Variants in RBFOX1 observed in about 807,000 individuals in gnomAD.
RBFOX1 encodes RNA binding protein fox-1 homolog 1.
A neutral mutation model predicts 57.7 loss-of-function variants in RBFOX1; 8 were observed. That is an observed-to-expected ratio of 0.14 (90% CI 0.08 to 0.25). RBFOX1 has a LOEUF of 0.25. Ranked by LOEUF, RBFOX1 falls within the 10% of genes least tolerant of loss-of-function variation. The pLI is 1.00. For synonymous variants in RBFOX1, 326 were observed against 222.4 expected, an observed-to-expected ratio of 1.47 and a Z score of -4.15; for missense variants, 611 against 548.5, an observed-to-expected ratio of 1.11 and a Z score of -1.14.
chr16:6,119,456 G>A (rs140005654), intron 1 of RBFOX1, among the ~76,000 whole-genome samples: 72 of 152,230 alleles, frequency 4.7e-4, no homozygotes, highest in Non-Finnish European at 7.4e-4. Context: ...TTTCTTCATG[G>A]TAAGATTGTT....
intron 4 of RBFOX1, among the ~76,000 whole-genome samples, chr16:7,171,575 T>C (rs917044950): frequency 6.6e-6 from 1 of 152,180 alleles, no homozygotes; most frequent in Non-Finnish European, 1.5e-5. Flanking sequence ...GTGTTTAGAA[T>C]GTAATTTTCT....
intron 2 of RBFOX1, among the ~76,000 whole-genome samples, chr16:5,581,491 A>G (rs2046664732): frequency 6.6e-6 from 1 of 152,202 alleles, no homozygotes; most frequent in Non-Finnish European, 1.5e-5. Flanking sequence ...TCTACTTTGT[A>G]ATTATGTATA....
At chr16:7,406,596 C>T (rs1258273962) in intron 4 of RBFOX1, among the ~76,000 whole-genome samples, 3 of 152,196 alleles carry the variant, frequency 2.0e-5, no homozygotes, top group Admixed American at 6.5e-5. Context: ...TTTCCGGAAT[C>T]CAGTGTTGGC....
chr16:6,836,535 C>G (rs1237107674), intron 3 of RBFOX1, among the ~76,000 whole-genome samples: 1 of 152,154 alleles, frequency 6.6e-6, no homozygotes, highest in Non-Finnish European at 1.5e-5. Context: ...GGTATGACCA[C>G]GAATGACACC....
intron 10 of RBFOX1, among the ~76,000 whole-genome samples, chr16:7,619,045 C>A (rs969721187): frequency 6.6e-6 from 1 of 152,166 alleles, no homozygotes; most frequent in Non-Finnish European, 1.5e-5. Flanking sequence ...GGAAACTAAA[C>A]AAGGATTATT....
chr16:5,646,089 G>A (rs963749569), intron 3 of RBFOX1, among the ~76,000 whole-genome samples: 1 of 151,800 alleles, frequency 6.6e-6, no homozygotes, highest in African/African-American at 2.4e-5. Flanking sequence ...GAGTACGGTG[G>A]CACAATCTTG....
chr16:7,249,814 CAGTT>C (rs57077135), intron 4 of RBFOX1, among the ~76,000 whole-genome samples: 3,236 of 152,250 alleles, frequency 0.021, 112 homozygotes, highest in African/African-American at 0.075. Flanking sequence ...TTTCTGGAGT[CAGTT>C]CCTACAAGTG....
intron 1 of RBFOX1, among the ~76,000 whole-genome samples, chr16:6,169,829 A>T (rs148032585): frequency 7.7e-6 from 1 of 129,496 alleles, no homozygotes; most frequent in South Asian, 2.6e-4. Context: ...CAGTGGTGCA[A>T]TCTCAGCTCA....
intron 2 of RBFOX1, among the ~76,000 whole-genome samples, chr16:6,434,379 C>G (rs1296551740): frequency 6.6e-6 from 1 of 152,106 alleles, no homozygotes; most frequent in Non-Finnish European, 1.5e-5. Context: ...CCCCAGCTTC[C>G]TCTTCTCGAT....
At chr16:6,749,103 A>T (rs1412895103) in intron 3 of RBFOX1, 2 of 152,326 alleles carry the variant, frequency 1.3e-5, no homozygotes, top group Middle Eastern at 3.4e-3. Context: ...AAAGTATTGG[A>T]AACCAACATT....
intron 3 of RBFOX1, among the ~76,000 whole-genome samples, chr16:7,001,744 A>C (rs1327997596): frequency 6.6e-6 from 1 of 152,156 alleles, no homozygotes; most frequent in African/African-American, 2.4e-5. Flanking sequence ...GGGATGCGTC[A>C]ACACACTGGC....
chr16:5,809,320 A>C (rs558942873), intron 3 of RBFOX1, among the ~76,000 whole-genome samples: 1 of 152,234 alleles, frequency 6.6e-6, no homozygotes, highest in Non-Finnish European at 1.5e-5. Context: ...AAAATTGACA[A>C]ATGGGATCTA....
intron 1 of RBFOX1, among the ~76,000 whole-genome samples, chr16:5,455,406 A>G (rs2068598943): frequency 6.6e-6 from 1 of 152,150 alleles, no homozygotes; most frequent in African/African-American, 2.4e-5. Context: ...TGGTTGAAGC[A>G]GTCCTGAGCC....
Position 7,710,809 on chromosome 16 carries a change from G to A in RBFOX1, c.*64G>A. 1.5e-6 allele frequency: 2 copies of A among 1,365,756 alleles called. No homozygotes were observed. The highest frequency in any genetic ancestry group is 1.9e-6 in the Non-Finnish European group (2 of 1,028,632). 84.6% of individuals were successfully genotyped at this position (1,365,756 alleles called of 1,614,324 possible). Reference sequence around the variant, plus strand: ...GGAAGCTTTCCGAGGCCTGAGTATTGCAATACATGCAGTAGTACATCATTT... The same window carrying A: ...GGAAGCTTTCCGAGGCCTGAGTATTACAATACATGCAGTAGTACATCATTT... On this transcript the variant is annotated 3_prime_UTR_variant, in exon 16 of 16. Coordinates refer to ENST00000550418, the MANE Select transcript of RBFOX1 (RefSeq NM_018723.4).
intron 3 of RBFOX1, among the ~76,000 whole-genome samples, chr16:5,628,352 T>C (rs866778290): frequency 6.6e-6 from 1 of 152,184 alleles, no homozygotes. Context: ...TTATTGCTTC[T>C]TTTTATTGGA....
chr16:7,447,266 C>G (rs1386873019), intron 4 of RBFOX1, among the ~76,000 whole-genome samples: 4 of 151,630 alleles, frequency 2.6e-5, no homozygotes, highest in Non-Finnish European at 5.9e-5. Context: ...ACCCCCATCT[C>G]TACTAAAAAT....
chr16:6,636,790 A>AATAT lies in RBFOX1; in HGVS notation c.-63-17810_-63-17807dup, dbSNP rs1158782254. On this transcript the variant is annotated intron_variant, in intron 2 of 15. Transcript: ENST00000550418. ...ATAATATATAATATATATAATATAT[A>AATAT]ATATATGTTATATATAATATATAAT... Among the ~76,000 whole-genome samples, 15 of 8,334 alleles carry AATAT rather than the reference A, an allele frequency of 1.8e-3. 1 individual carries two copies. The highest frequency in any genetic ancestry group is 0.25 in the Middle Eastern group (1 of 4). The allele number at this position is 8,334 out of a possible 152,430, so 5.5% of individuals were successfully genotyped here.
At chr16:7,111,743 T>G (rs2064818928) in intron 4 of RBFOX1, among the ~76,000 whole-genome samples, 1 of 141,892 alleles carries the variant, frequency 7.0e-6, no homozygotes, top group Admixed American at 7.2e-5. Context: ...ATTATTCTGA[T>G]TGTTATTTTG....
intron 2 of RBFOX1, among the ~76,000 whole-genome samples, chr16:6,505,473 A>C (rs148670231): frequency 5.6e-4 from 86 of 152,366 alleles, no homozygotes; most frequent in African/African-American, 2.0e-3. Flanking sequence ...AAATAAAATC[A>C]GAATTGAAAA....
Sources: allele counts gnomAD v4.1 joint callset (sites outside exome capture counted in the v4.1 genomes callset), GRCh38; gene constraint gnomAD v4.1.1; transcripts MANE v1.5; gene names NCBI Gene and HGNC (gene_info 2026-07-23, HGNC 2026-07-21).